The following ORC5 variants were observed in gnomAD, a reference collection of about 807,000 sequenced individuals.
The protein encoded by ORC5 is protein phosphatase 1, regulatory subunit 117.
ORC5 carries 39 observed loss-of-function variants against 58.8 expected under a neutral mutation model. That is an observed-to-expected ratio of 0.66 (90% CI 0.51 to 0.87). The LOEUF (loss-of-function observed/expected upper bound fraction) is 0.87, where lower values mean the gene tolerates loss of function less well. ORC5 is among the 40% of genes least tolerant of loss of function. The pLI is 0.00. For missense variants in ORC5, 493 were observed against 506.3 expected, an observed-to-expected ratio of 0.97 and a Z score of 0.25; for synonymous variants, 218 against 177.6, an observed-to-expected ratio of 1.23 and a Z score of -1.81.
At position 104,166,869 on chromosome 7, in the gene ORC5, G is replaced by C; in HGVS notation, c.893C>G (p.Thr298Ser). Residue 298 changes from threonine to serine, a missense_variant, in exon 10 of 14, where the codon ACT becomes AGT. Transcript: ENST00000297431. The part of the protein sequence containing the change: ...PGQLKGLSAH[T>S]HVELPYYSKF... ...AGAGTAATATGGAAGTTCCACATGA[G>C]TATGCGCTGAGAGGCCTATATAACA... is the stretch of plus-strand genomic sequence containing the variant. The C allele has an allele frequency of 1.9e-6, 3 of 1,603,162 alleles. No homozygotes were observed. Among genetic ancestry groups the C allele is most frequent in the Non-Finnish European group, 2.6e-6 (3 of 1,170,942 alleles).
chr7:104,184,463 TA>T (rs148778994), intron 6 of ORC5: 394 of 289,020 alleles, frequency 1.4e-3, no homozygotes, highest in Middle Eastern at 4.1e-3. Context: ...TGCTTCTTTC[TA>T]AAAAAAAATG....
intron 12 of ORC5, among the ~76,000 whole-genome samples, chr7:104,146,312 G>A (rs1562806427): frequency 6.6e-6 from 1 of 152,158 alleles, no homozygotes; most frequent in Non-Finnish European, 1.5e-5. Context: ...TTGCACTTAT[G>A]CATTTATTCC....
intron 12 of ORC5, among the ~76,000 whole-genome samples, chr7:104,158,678 G>C (rs570882827): frequency 6.6e-5 from 10 of 152,004 alleles, no homozygotes; most frequent in East Asian, 1.9e-4. Flanking sequence ...GATATGAACA[G>C]ACACTTCTCA....
At chr7:104,139,709 G>C (rs1465104841) in intron 12 of ORC5, among the ~76,000 whole-genome samples, 3 of 152,000 alleles carry the variant, frequency 2.0e-5, no homozygotes, top group Non-Finnish European at 4.4e-5. Context: ...GTTACACCTT[G>C]AAATATCTTT....
In ORC5 at chr7:104,197,810, C is replaced by CA. The variant is rs531221108; in HGVS notation, c.367-12dup. 279 of 1,486,546 alleles carry CA rather than the reference C, an allele frequency of 1.9e-4. 1 individual carries two copies. In the African/African-American group the frequency reaches 2.8e-3, roughly 15 times the overall value. The allele number at this position is 1,486,546 out of a possible 1,614,324, so 92.1% of individuals were successfully genotyped here. On this transcript the variant is annotated splice_polypyrimidine_tract_variant and intron_variant, in intron 3 of 13. Coordinates refer to ENST00000297431, the MANE Select transcript of ORC5 (RefSeq NM_002553.4). ...TGCTTTATCTAGAACCTTTAAAAAA[C>CA]AAAAAAACAAAACAAAAAGAAATGC... is the stretch of plus-strand genomic sequence containing the variant.
intron 9 of ORC5, 146 bp downstream of exon 9, chr7:104,168,322 ATCATT>A: frequency 1.6e-6 from 2 of 1,250,306 alleles, no homozygotes; most frequent in Non-Finnish European, 2.1e-6. Context: ...TTAAAGAAAA[ATCATT>A]AATCAAAATA....
chr7:104,166,804 G>C lies in ORC5; in HGVS notation c.958C>G (p.Pro320Ala), dbSNP rs1341007880. The C allele has an allele frequency of 1.9e-6, 3 of 1,607,554 alleles. No homozygotes were observed. ...LIAAYLASYN[P>A]ARTDKRFFLK... Reference sequence around the variant, plus strand: ...AAAAACCTCTTGTCAGTTCTTGCTGGATTGTATGAAGCAAGGTATGCAGCA... The same window carrying C: ...AAAAACCTCTTGTCAGTTCTTGCTGCATTGTATGAAGCAAGGTATGCAGCA... Residue 320 changes from proline (P) to alanine (A), a missense_variant, in exon 10 of 14, where the codon CCA becomes GCA. Physicochemically the swap from Pro to Ala is conservative, Grantham distance 27 (BLOSUM62 -1). Coordinates refer to ENST00000297431, the MANE Select transcript of ORC5 (RefSeq NM_002553.4).
chr7:104,127,970 C>T, intron 13 of ORC5, among the ~76,000 whole-genome samples: 1 of 152,042 alleles, frequency 6.6e-6, no homozygotes, highest in South Asian at 2.1e-4. Context: ...ACTGCCAAAA[C>T]AATACTGCAG....
intron 4 of ORC5, among the ~76,000 whole-genome samples, chr7:104,195,778 T>C (rs1413025579): frequency 6.6e-6 from 1 of 152,232 alleles, no homozygotes; most frequent in Non-Finnish European, 1.5e-5. Flanking sequence ...ATTGAATTGT[T>C]TTTGCTATAA....
At chr7:104,183,288 TAA>T (rs1799474031) in intron 8 of ORC5, among the ~76,000 whole-genome samples, 1 of 152,106 alleles carries the variant, frequency 6.6e-6, no homozygotes, top group Admixed American at 6.5e-5. Context: ...CCCTTGTGGC[TAA>T]AAGAGTTCTG....
chr7:104,194,750 T>C (rs1799757698), intron 5 of ORC5, among the ~76,000 whole-genome samples: 1 of 152,100 alleles, frequency 6.6e-6, no homozygotes, highest in African/African-American at 2.4e-5. Context: ...AATCACAATA[T>C]AAATATACAT....
rs374359658 is a variant in ORC5, at chr7:104,195,199, C to T, written c.497G>A (p.Arg166His). The change falls in exon 5 of 14, where the codon CGT becomes CAT. Residue 166 changes from arginine to histidine, a missense_variant. Around this residue, in one of 3 missense-constraint regions of ORC5, gnomAD observed 412 missense variants for 403.7 expected, o/e 1.02. Coordinates refer to ENST00000297431, the MANE Select transcript of ORC5 (RefSeq NM_002553.4). ...FLSEIVWEKF[R>H]PNTGCFEPFV... is the part of the protein sequence containing the mutation. ...CGGCTCAAAGCATCCAGTATTTGGA[C>T]GAAACTTTTCCCAAACAATTTCACT... 3.9e-5 allele frequency: 61 copies of T among 1,574,126 alleles called. No homozygotes were observed. Among genetic ancestry groups the T allele is most frequent in the South Asian group, 1.1e-4 (9 of 82,992 alleles).
rs1799836895 is a variant in ORC5, at chr7:104,197,793, C to T, written c.373G>A (p.Asp125Asn). 6.4e-7 allele frequency: 1 copy of T among 1,561,870 alleles called. No homozygotes were observed. Among genetic ancestry groups the T allele is most frequent in the African/African-American group, 1.4e-5 (1 of 72,174 alleles). ...LKDQTVYIVL[D>N]KAEYLRDMEA... ...ATATCTCTTAGATACTCTGCTTTAT[C>T]TAGAACCTTTAAAAAACAAAAAAAC... Residue 125 changes from aspartate to asparagine, a missense_variant, in exon 4 of 14, where the codon GAT (aspartate) becomes AAT (asparagine). Physicochemically the swap from Asp to Asn is conservative, Grantham distance 23 (BLOSUM62 1). Coordinates refer to ENST00000297431, the MANE Select transcript of ORC5 (RefSeq NM_002553.4).
chr7:104,188,543 T>A (rs1016215876), intron 5 of ORC5, among the ~76,000 whole-genome samples, 162 bp from the exon 6 acceptor site: 1 of 152,124 alleles, frequency 6.6e-6, no homozygotes. Context: ...GTGTGATTTG[T>A]GATATAATAA....
chr7:104,156,656 C>A (rs1033955272), intron 12 of ORC5, among the ~76,000 whole-genome samples: 2 of 151,696 alleles, frequency 1.3e-5, no homozygotes, highest in Non-Finnish European at 3.0e-5. Context: ...ATAAAAATAG[C>A]ATATCACTAT....
At chr7:104,131,681 A>G (rs1584474577) in intron 13 of ORC5, among the ~76,000 whole-genome samples, 1 of 151,946 alleles carries the variant, frequency 6.6e-6, no homozygotes, top group African/African-American at 2.4e-5. Context: ...GCAAAACCCC[A>G]TCTCTACTAA....
intron 13 of ORC5, among the ~76,000 whole-genome samples, chr7:104,134,486 C>T (rs1186604068): frequency 6.8e-6 from 1 of 147,008 alleles, no homozygotes; most frequent in Non-Finnish European, 1.5e-5. Flanking sequence ...CCTATTATCT[C>T]AATACATGAG....
At chr7:104,176,788 T>C (rs1799330685) in intron 8 of ORC5, among the ~76,000 whole-genome samples, 1 of 152,174 alleles carries the variant, frequency 6.6e-6, no homozygotes, top group Admixed American at 6.6e-5. Flanking sequence ...AAAATAAAAA[T>C]AGAAATGTCT....
intron 2 of ORC5, among the ~76,000 whole-genome samples, chr7:104,201,601 G>C (rs955919197): frequency 4.7e-5 from 7 of 149,020 alleles, no homozygotes; most frequent in African/African-American, 7.4e-5. Flanking sequence ...ACCAGCCTGG[G>C]CAACATAGCG....
Sources: allele counts gnomAD v4.1 joint callset (sites outside exome capture counted in the v4.1 genomes callset), GRCh38; gene constraint gnomAD v4.1.1; regional missense constraint gnomAD v4.1.1; transcripts MANE v1.5; gene names NCBI Gene and HGNC (gene_info 2026-07-23, HGNC 2026-07-21).